The following EEFSEC variants were observed in gnomAD, a reference collection of about 807,000 sequenced individuals.
EEFSEC encodes eukaryotic elongation factor, selenocysteine-tRNA specific, also known as selenocysteine-specific elongation factor.
A neutral mutation model predicts 42.1 loss-of-function variants in EEFSEC; 43 were observed. The observed-to-expected ratio is 1.02, with a 90% CI of 0.80 to 1.32. EEFSEC has a LOEUF of 1.32. Among genes scored for constraint, EEFSEC ranks in the 40% most tolerant of loss-of-function variants. The pLI, the probability that EEFSEC is intolerant of heterozygous loss-of-function variation, is 0.00. For synonymous variants in EEFSEC, 354 were observed against 339.1 expected (o/e 1.04, Z -0.48); for missense variants, 745 against 803.6 (o/e 0.93, Z 0.88).
intron 6 of EEFSEC, among the ~76,000 whole-genome samples, chr3:128,397,421 G>T (rs1273693513): frequency 1.3e-5 from 2 of 152,218 alleles, no homozygotes; most frequent in Non-Finnish European, 2.9e-5. Context: ...CCTGAGGCTG[G>T]AATAAAATGA....
chr3:128,223,385 C>A (rs950002586), intron 1 of EEFSEC, among the ~76,000 whole-genome samples: 1 of 152,170 alleles, frequency 6.6e-6, no homozygotes, highest in East Asian at 1.9e-4. Context: ...GTCATGGGAA[C>A]CCCCTGGATT....
At chr3:128,163,271 G>A (rs2065209527) in intron 1 of EEFSEC, among the ~76,000 whole-genome samples, 1 of 151,992 alleles carries the variant, frequency 6.6e-6, no homozygotes, top group South Asian at 2.1e-4. Context: ...ATAGGGAGCT[G>A]GAGTGAGTCC....
chr3:128,394,794 T>C (rs981934026), intron 6 of EEFSEC, among the ~76,000 whole-genome samples: 2 of 152,100 alleles, frequency 1.3e-5, no homozygotes, highest in Admixed American at 6.5e-5. Flanking sequence ...TTTTCTTTCA[T>C]TGGAAGGGGC....
intron 6 of EEFSEC, among the ~76,000 whole-genome samples, chr3:128,379,326 T>C (rs894359417): frequency 1.9e-4 from 29 of 152,220 alleles, no homozygotes; most frequent in Admixed American, 1.3e-4. Context: ...TTCAAAGCAA[T>C]TGTAAAAATT....
chr3:128,177,772 T>A (rs751340074), intron 1 of EEFSEC, among the ~76,000 whole-genome samples: 1 of 152,226 alleles, frequency 6.6e-6, no homozygotes, highest in Non-Finnish European at 1.5e-5. Flanking sequence ...AACTTGGAGA[T>A]ACTCATTTTT....
At chr3:128,347,219 T>C (rs890720161) in intron 5 of EEFSEC, among the ~76,000 whole-genome samples, 7 of 151,742 alleles carry the variant, frequency 4.6e-5, no homozygotes, top group Non-Finnish European at 1.0e-4. Context: ...TAAGTCCACG[T>C]GTACTTCTAT....
intron 4 of EEFSEC, among the ~76,000 whole-genome samples, chr3:128,286,965 C>T (rs2107977142): frequency 6.6e-6 from 1 of 152,332 alleles, no homozygotes; most frequent in East Asian, 1.9e-4. Context: ...TGTGACCTCC[C>T]TCCAACAGTA....
At chr3:128,238,454 C>G (rs929568479) in intron 1 of EEFSEC, among the ~76,000 whole-genome samples, 1 of 152,194 alleles carries the variant, frequency 6.6e-6, no homozygotes, top group African/African-American at 2.4e-5. Context: ...AGTTTGCAAC[C>G]AGTGATGTGA....
At chr3:128,355,978 GGCCAGGCCCT>G (rs1424078925) in intron 5 of EEFSEC, among the ~76,000 whole-genome samples, 2 of 152,344 alleles carry the variant, frequency 1.3e-5, no homozygotes, top group East Asian at 3.9e-4. Context: ...GCCTGCTCAG[GGCCAGGCCCT>G]GCTGGGCACC....
chr3:128,278,209 G>C (rs148985730), intron 4 of EEFSEC, among the ~76,000 whole-genome samples: 10 of 152,334 alleles, frequency 6.6e-5, no homozygotes, highest in Non-Finnish European at 1.3e-4. Context: ...GGGGACTAGT[G>C]GGGAGGCTGT....
intron 4 of EEFSEC, among the ~76,000 whole-genome samples, chr3:128,287,629 C>T (rs2066600038): frequency 6.6e-6 from 1 of 152,220 alleles, no homozygotes; most frequent in South Asian, 2.1e-4. Context: ...GAGACTTGCT[C>T]TTTGGGAAAG....
At chr3:128,220,789 A>G (rs1239164009) in intron 1 of EEFSEC, among the ~76,000 whole-genome samples, 1 of 152,182 alleles carries the variant, frequency 6.6e-6, no homozygotes, top group Non-Finnish European at 1.5e-5. Flanking sequence ...ACCCGGCTTC[A>G]AGCCTGTGTT....
At chr3:128,348,869 C>T (rs948358322) in intron 5 of EEFSEC, among the ~76,000 whole-genome samples, 2 of 152,182 alleles carry the variant, frequency 1.3e-5, no homozygotes, top group African/African-American at 4.8e-5. Flanking sequence ...TCCAAAGCCT[C>T]ATAGAAAACT....
intron 6 of EEFSEC, among the ~76,000 whole-genome samples, chr3:128,407,684 C>A (rs536429743): frequency 1.8e-4 from 28 of 152,294 alleles, no homozygotes; most frequent in African/African-American, 6.7e-4. Context: ...CCCAGGCACA[C>A]AAGAGGGTGG....
At chr3:128,212,350 A>G (rs1366815195) in intron 1 of EEFSEC, among the ~76,000 whole-genome samples, 1 of 152,150 alleles carries the variant, frequency 6.6e-6, no homozygotes, top group Non-Finnish European at 1.5e-5. Flanking sequence ...AGTGAACTTC[A>G]TGTGTTGCTC....
At chr3:128,367,897 C>T in intron 6 of EEFSEC, 2 of 960,360 alleles carry the variant, frequency 2.1e-6, no homozygotes, top group Non-Finnish European at 2.5e-6. Flanking sequence ...TAGGGCTCTG[C>T]TGAAAAGCTG....
Position 128,163,761 on chromosome 3 carries a change from G to T in EEFSEC, c.316+9938G>T, listed in dbSNP as rs13077913. Among the ~76,000 whole-genome samples, 581 of 151,858 alleles carry T rather than the reference G, an allele frequency of 3.8e-3. 2 individuals carry two copies. Among genetic ancestry groups the T allele is most frequent in the Non-Finnish European group, 6.6e-3 (446 of 67,942 alleles). On this transcript the variant is annotated intron_variant, in intron 1 of 6. Transcript: ENST00000254730. ...TCTACTTAATGTCTCTGGATTGACC[G>T]GTCCTGGACATTTCATATAAGTAGA... is the stretch of plus-strand genomic sequence containing the variant.
chr3:128,296,013 C>G (rs760340294), intron 4 of EEFSEC, among the ~76,000 whole-genome samples: 2 of 152,138 alleles, frequency 1.3e-5, no homozygotes, highest in Non-Finnish European at 2.9e-5. Context: ...TGAGAAAGCA[C>G]ATGTTACCAT....
intron 6 of EEFSEC, among the ~76,000 whole-genome samples, chr3:128,387,929 G>C (rs192057058): frequency 9.8e-5 from 15 of 152,334 alleles, no homozygotes; most frequent in Admixed American, 7.2e-4. Context: ...AGATGGGCAC[G>C]GGCAGGCACT....
Sources: allele counts gnomAD v4.1 joint callset (sites outside exome capture counted in the v4.1 genomes callset), GRCh38; gene constraint gnomAD v4.1.1; transcripts MANE v1.5; gene names NCBI Gene and HGNC (gene_info 2026-07-23, HGNC 2026-07-21).